PPP1R17: variants seen among roughly 807,000 people sequenced by gnomAD.
PPP1R17 encodes G-substrate.
Under a neutral mutation model 15.9 loss-of-function variants are expected in PPP1R17, and 12 were observed. The ratio of observed to expected loss-of-function variants is 0.75; its 90% CI spans 0.48 to 1.22. The LOEUF (loss-of-function observed/expected upper bound fraction) is 1.22. Among genes scored for constraint, PPP1R17 ranks in the 50% most tolerant of loss-of-function variants. PPP1R17 has a pLI of 0.00. For missense variants in PPP1R17, 211 were observed against 187.3 expected, an observed-to-expected ratio of 1.13 and a Z score of -0.74; for synonymous variants, 63 against 64.5, an observed-to-expected ratio of 0.98 and a Z score of 0.11.
rs377047942 is a variant in PPP1R17, at chr7:31,697,154, T to A, written c.388+37T>A. On this transcript the variant is annotated intron_variant, in intron 4 of 4. Transcript: ENST00000342032. ...GGTGCAGGGCATTTGCAGGGGGTGA[T>A]GGGGACAGGTCAAGAACCTTACCAT... is the stretch of plus-strand genomic sequence containing the variant. 17 of 1,609,426 alleles carry A rather than the reference T, an allele frequency of 1.1e-5. No homozygotes were observed. The African/African-American group carries it at 2.1e-4, about 20-fold the overall frequency.
At chr7:31,700,215 G>C (rs1054109479) in intron 4 of PPP1R17, among the ~76,000 whole-genome samples, 5 of 152,194 alleles carry the variant, frequency 3.3e-5, no homozygotes, top group Admixed American at 2.6e-4. Context: ...AAAAGTTCTT[G>C]AAGGAAATTA....
At chr7:31,695,395 A>G in intron 2 of PPP1R17, 74 bp from the exon 3 acceptor site, 1 of 1,395,794 alleles carries the variant, frequency 7.2e-7, no homozygotes, top group Non-Finnish European at 9.7e-7. Context: ...AAGTGCAATT[A>G]GGAACCAAAC....
chr7:31,689,818 GC>G, intron 1 of PPP1R17, among the ~76,000 whole-genome samples: 1 of 152,262 alleles, frequency 6.6e-6, no homozygotes, highest in South Asian at 2.1e-4. Context: ...AACCCCATGA[GC>G]AAAACACATC....
At chr7:31,695,670 C>T (rs367928317) in intron 3 of PPP1R17, 49 bp downstream of exon 3, 5 of 1,555,282 alleles carry the variant, frequency 3.2e-6, no homozygotes, top group Non-Finnish European at 4.3e-6. Flanking sequence ...CCACTTGCCA[C>T]TAGGTTGCAT....
rs112691080 is a variant in PPP1R17, at chr7:31,700,692, C to A, written c.388+3575C>A. Among the ~76,000 whole-genome samples, 845 of 152,224 alleles carry A rather than the reference C, an allele frequency of 5.6e-3. 9 individuals carry two copies. The highest frequency in any genetic ancestry group is 0.019 in the African/African-American group (779 of 41,536). On this transcript the variant is annotated intron_variant, in intron 4 of 4. Transcript: ENST00000342032. The stretch of plus-strand genomic sequence containing the variant: ...TGGCTTCAAAACTTCAAAGGACAGG[C>A]CAACTCTCTTGTTAGGGGATAATGC...
intron 4 of PPP1R17, among the ~76,000 whole-genome samples, chr7:31,698,292 T>C (rs1342206064): frequency 6.6e-6 from 1 of 152,220 alleles, no homozygotes; most frequent in East Asian, 1.9e-4. Flanking sequence ...TTAGAGGCTC[T>C]GGTTCTATGC....
At position 31,707,436 on chromosome 7, in the gene PPP1R17, G is replaced by T. The variant is rs1793119468; in HGVS notation, c.*153G>T. On this transcript the variant is annotated 3_prime_UTR_variant, in exon 5 of 5. Transcript: ENST00000342032. ...CCCAGGAGATGTATGCCATCAAATT[G>T]CCAGTCACCTCTTTGTCTCTCTCTT... The T allele has an allele frequency of 1.7e-6, 1 of 605,536 alleles. No homozygotes were observed. The allele number at this position is 605,536 out of a possible 1,614,324, so 37.5% of individuals were successfully genotyped here. A position where few individuals can be genotyped will look rare whatever the true frequency, so the allele number is the denominator to read the frequency against.
intron 4 of PPP1R17, among the ~76,000 whole-genome samples, chr7:31,705,124 G>T (rs955030757): frequency 2.0e-5 from 3 of 152,144 alleles, no homozygotes; most frequent in Non-Finnish European, 4.4e-5. Context: ...GTGCTCTTGT[G>T]GACAGCCCAG....
At chr7:31,689,893 C>G (rs1013108496) in intron 1 of PPP1R17, among the ~76,000 whole-genome samples, 9 of 152,202 alleles carry the variant, frequency 5.9e-5, no homozygotes, top group Non-Finnish European at 1.0e-4. Context: ...CTCTCAGCCC[C>G]TTAGCAAACA....
chr7:31,697,225 C>A, intron 4 of PPP1R17, 108 bp downstream of exon 4: 1 of 1,402,396 alleles, frequency 7.1e-7, no homozygotes, highest in Non-Finnish European at 9.6e-7. Flanking sequence ...CAGCAAGCTG[C>A]GTTGTCCTGA....
chr7:31,704,702 T>C (rs186074685), intron 4 of PPP1R17, among the ~76,000 whole-genome samples: 41 of 152,290 alleles, frequency 2.7e-4, no homozygotes, highest in African/African-American at 9.6e-4. Flanking sequence ...CTGTGGAAGA[T>C]ACAAATTACT....
intron 4 of PPP1R17, among the ~76,000 whole-genome samples, chr7:31,699,884 C>A (rs1050234797): frequency 6.6e-6 from 1 of 151,850 alleles, no homozygotes; most frequent in Admixed American, 6.6e-5. Flanking sequence ...CAGACCTCGC[C>A]CATATAAGAC....
Position 31,706,104 on chromosome 7 carries a change from A to C in PPP1R17, c.389-1100A>C, listed in dbSNP as rs116004293. On this transcript the variant is annotated intron_variant, in intron 4 of 4. Coordinates refer to ENST00000342032, the MANE Select transcript of PPP1R17 (RefSeq NM_006658.5). ...GCTGCAATCTCTGCCTCCAGGATTC[A>C]AGGGATTCTTCTGTCTCAGCCTCCC... is the stretch of plus-strand genomic sequence containing the variant. Among the ~76,000 whole-genome samples, 991 of 139,788 alleles carry C rather than the reference A, an allele frequency of 7.1e-3. 9 individuals are homozygous for C. The highest frequency in any genetic ancestry group is 0.026 in the African/African-American group (945 of 36,742). The allele number at this position is 139,788 out of a possible 152,430, so 91.7% of individuals were successfully genotyped here.
chr7:31,703,738 G>A lies in PPP1R17; in HGVS notation c.389-3466G>A, dbSNP rs114926861. Among the ~76,000 whole-genome samples, 1,000 of 152,318 alleles carry A rather than the reference G, an allele frequency of 6.6e-3. 9 individuals are homozygous for A. Among genetic ancestry groups the A allele is most frequent in the African/African-American group, 0.023 (952 of 41,564 alleles). Reference sequence around the variant, plus strand: ...GAAACTCGCAGACAAATACACTCTGGAGACATCTCTCATTAGCCCTTGGCA... The same window carrying A: ...GAAACTCGCAGACAAATACACTCTGAAGACATCTCTCATTAGCCCTTGGCA... On this transcript the variant is annotated intron_variant, in intron 4 of 4. Transcript: ENST00000342032.
chr7:31,689,838 G>A (rs1475454416), intron 1 of PPP1R17, among the ~76,000 whole-genome samples: 3 of 152,158 alleles, frequency 2.0e-5, no homozygotes, highest in Non-Finnish European at 4.4e-5. Flanking sequence ...TCCCTGCACG[G>A]CATGGGATAT....
At chr7:31,688,809 A>G (rs1792215560) in intron 1 of PPP1R17, among the ~76,000 whole-genome samples, 2 of 152,224 alleles carry the variant, frequency 1.3e-5, no homozygotes, top group South Asian at 4.1e-4. Flanking sequence ...TCTCTTGCAT[A>G]CTACACTGAA....
chr7:31,691,972 T>C (rs373506033), intron 1 of PPP1R17, among the ~76,000 whole-genome samples: 1 of 152,142 alleles, frequency 6.6e-6, no homozygotes, highest in East Asian at 1.9e-4. Context: ...CTAAATTAAT[T>C]AAATTTTCTG....
chr7:31,693,553 A>C (rs943404121), intron 2 of PPP1R17, among the ~76,000 whole-genome samples: 3 of 152,188 alleles, frequency 2.0e-5, no homozygotes, highest in East Asian at 3.8e-4. Flanking sequence ...CATCTTCAAC[A>C]TGGAGAAAAG....
intron 3 of PPP1R17, 111 bp downstream of exon 3, chr7:31,695,732 C>A: frequency 9.5e-7 from 1 of 1,049,648 alleles, no homozygotes; most frequent in Non-Finnish European, 1.4e-6. Flanking sequence ...GTAATTTGTG[C>A]ACTCCCCACC....
Sources: gnomAD v4.1 joint callset for allele counts (sites outside exome capture counted in the v4.1 genomes callset) on GRCh38, gnomAD v4.1.1 for gene constraint, MANE v1.5 for transcripts, NCBI Gene and HGNC (gene_info 2026-07-23, HGNC 2026-07-21) for gene names.